Variants in UIMC1 observed in about 807,000 individuals in gnomAD.
UIMC1 encodes BRCA1-A complex subunit RAP80.
UIMC1 carries 42 observed loss-of-function variants against 84.9 expected under a neutral mutation model. That is an observed-to-expected ratio of 0.49 (90% CI 0.39 to 0.64). UIMC1 has a LOEUF of 0.64. UIMC1 is among the 30% of genes least tolerant of loss of function. The pLI, the probability that UIMC1 is intolerant of heterozygous loss-of-function variation, is 0.00. For synonymous variants in UIMC1, 281 were observed against 293.0 expected (o/e 0.96, Z 0.42); for missense variants, 825 against 847.6 (o/e 0.97, Z 0.33).
At chr5:176,986,411 A>G (rs1312812943) in intron 1 of UIMC1, among the ~76,000 whole-genome samples, 3 of 147,444 alleles carry the variant, frequency 2.0e-5, no homozygotes, top group Non-Finnish European at 4.5e-5. Flanking sequence ...GTGAGCACCT[A>G]CAGTCCCAGC....
At chr5:176,933,360 ACTAT>A (rs1158285316) in intron 10 of UIMC1, among the ~76,000 whole-genome samples, 1 of 152,188 alleles carries the variant, frequency 6.6e-6, no homozygotes, top group African/African-American at 2.4e-5. Flanking sequence ...GCCATTGGTT[ACTAT>A]CTATTACTAT....
At chr5:177,010,178 T>C (rs1373710204), upstream of UIMC1, among the ~76,000 whole-genome samples, 1 of 152,136 alleles carries the variant, frequency 6.6e-6, no homozygotes, top group Non-Finnish European at 1.5e-5. Flanking sequence ...ATCGCACCAC[T>C]GCACTCTAAA....
chr5:176,958,631 T>A (rs1271014328), intron 6 of UIMC1, among the ~76,000 whole-genome samples: 1 of 152,212 alleles, frequency 6.6e-6, no homozygotes, highest in Non-Finnish European at 1.5e-5. Flanking sequence ...AACACTGCAA[T>A]CTATGATCTT....
chr5:176,919,291 C>G (rs564248396), intron 10 of UIMC1: 11 of 206,970 alleles, frequency 5.3e-5, no homozygotes, highest in Non-Finnish European at 1.1e-4. Context: ...ATTCTGGATA[C>G]TAAACCCTTA....
At chr5:177,000,320 C>T (rs1774259742) in intron 1 of UIMC1, among the ~76,000 whole-genome samples, 1 of 152,010 alleles carries the variant, frequency 6.6e-6, no homozygotes, top group Admixed American at 6.6e-5. Flanking sequence ...TACATTCCCA[C>T]CAACAGTGTA....
intron 10 of UIMC1, among the ~76,000 whole-genome samples, chr5:176,934,916 A>G (rs1376095003): frequency 6.6e-6 from 1 of 152,240 alleles, no homozygotes; most frequent in East Asian, 1.9e-4. Flanking sequence ...TCAAAGATGG[A>G]GAGACATTAT....
chr5:176,940,854 T>G (rs1246885575), intron 10 of UIMC1, among the ~76,000 whole-genome samples: 1 of 152,354 alleles, frequency 6.6e-6, no homozygotes, highest in East Asian at 1.9e-4. Context: ...ACACCTCATT[T>G]AACCTCACAA....
At position 176,969,524 on chromosome 5, in the gene UIMC1, G is replaced by A. The variant is rs554114890; in HGVS notation, c.463+77C>T. The stretch of plus-strand genomic sequence containing the variant: ...CCAAAAGGATCTGGGGTATTTCCGT[G>A]TATCTACTCTCAGCATGAGATCCCT... On this transcript the variant is annotated intron_variant, in intron 5 of 14. Transcript: ENST00000511320. The A allele has an allele frequency of 3.4e-4, 498 of 1,456,324 alleles. 4 individuals carry two copies. The African/African-American group carries it at 6.0e-3, about 17-fold the overall frequency. 90.2% of individuals were successfully genotyped at this position (1,456,324 alleles called of 1,614,324 possible).
At chr5:176,925,709 C>T (rs544636637) in intron 10 of UIMC1, among the ~76,000 whole-genome samples, 1 of 152,160 alleles carries the variant, frequency 6.6e-6, no homozygotes, top group East Asian at 1.9e-4. Context: ...TATCAAACTG[C>T]AGAATATCAT....
In UIMC1 at chr5:176,968,550, C is replaced by T. The variant is rs1768674103; in HGVS notation, c.1200+5G>A. 2 of 1,600,670 alleles carry T rather than the reference C, an allele frequency of 1.2e-6. No individual in the cohort carries two copies. Among genetic ancestry groups the T allele is most frequent in the African/African-American group, 1.3e-5 (1 of 74,084 alleles). On this transcript the variant is annotated splice_donor_5th_base_variant and intron_variant, in intron 6 of 14. Coordinates refer to ENST00000511320, the MANE Select transcript of UIMC1 (RefSeq NM_001199298.2). ...ATCCTTAATTACAGCATCACTGACC[C>T]TTACCTGACCATGACTGGTTGTTGG...
At chr5:176,955,405 C>T (rs1766466699) in intron 8 of UIMC1, among the ~76,000 whole-genome samples, 1 of 151,796 alleles carries the variant, frequency 6.6e-6, no homozygotes, top group African/African-American at 2.4e-5. Flanking sequence ...GCAGTAAGAC[C>T]CCAACAAATG....
At chr5:176,997,722 C>G (rs1370008164) in intron 1 of UIMC1, among the ~76,000 whole-genome samples, 1 of 151,268 alleles carries the variant, frequency 6.6e-6, no homozygotes, top group Non-Finnish European at 1.5e-5. Context: ...TCAATGGTTT[C>G]CCACTATTTT....
In UIMC1 at chr5:176,905,315, G is replaced by C; in HGVS notation, c.2127C>G (p.Thr709=). Residue 709 remains threonine (T), a synonymous_variant, in exon 15 of 15, where the codon ACC becomes ACG. Coordinates refer to ENST00000511320, the MANE Select transcript of UIMC1 (RefSeq NM_001199298.2). ...VTVQPGSRTR[T]KAGRGRRRKF The stretch of plus-strand genomic sequence containing the variant: ...TTCTCCTTCTTCCTCTGCCAGCTTT[G>C]GTCCGTGTCCGACTACCTGGCTGGA... 2.5e-6 allele frequency: 4 copies of C among 1,613,968 alleles called. No homozygotes were observed. Among genetic ancestry groups the C allele is most frequent in the Non-Finnish European group, 3.4e-6 (4 of 1,179,930 alleles).
intron 1 of UIMC1, among the ~76,000 whole-genome samples, chr5:177,001,775 T>C (rs1256677102): frequency 8.0e-6 from 1 of 124,380 alleles, no homozygotes; most frequent in East Asian, 2.3e-4. Context: ...CCGGCTCTAC[T>C]AAAAAAAAAA....
At position 176,906,093 on chromosome 5, in the gene UIMC1, AATC is replaced by A. The variant is rs773737800; in HGVS notation, c.1913-49_1913-47del. 1.1e-5 allele frequency: 18 copies of A among 1,582,326 alleles called. No individual in the cohort carries two copies. The African/African-American group carries it at 2.0e-4, about 18-fold the overall frequency. On this transcript the variant is annotated intron_variant, in intron 13 of 14. Transcript: ENST00000511320. ...TAATAATGTTGGTAGTAGTGTTGGT[AATC>A]ATAGCACTTCTCACTGATCTTTTGC...
upstream of UIMC1, among the ~76,000 whole-genome samples, chr5:177,008,062 A>G (rs1338040461): frequency 6.6e-6 from 1 of 151,248 alleles, no homozygotes; most frequent in Non-Finnish European, 1.5e-5. Context: ...CCGAGATCAC[A>G]CCACTGCACT....
chr5:177,007,184 A>G (rs147774426), upstream of UIMC1, among the ~76,000 whole-genome samples: 1,384 of 152,034 alleles, frequency 9.1e-3, 8 homozygotes, highest in South Asian at 0.025. Context: ...GTACTAAAAT[A>G]CAAAAATTAG....
intron 1 of UIMC1, among the ~76,000 whole-genome samples, chr5:177,004,167 T>C (rs1485797777): frequency 1.3e-5 from 2 of 152,176 alleles, no homozygotes; most frequent in African/African-American, 2.4e-5. Context: ...TACCACAAAA[T>C]ATGTCTAATT....
chr5:176,955,850 T>C lies in UIMC1; in HGVS notation c.1339+109A>G, dbSNP rs908716847. The C allele has an allele frequency of 5.0e-6, 5 of 1,004,380 alleles. No individual in the cohort carries two copies. The Admixed American group carries it at 6.5e-5, about 13-fold the overall frequency. The allele number at this position is 1,004,380 out of a possible 1,614,324, so 62.2% of individuals were successfully genotyped here. A position where few individuals can be genotyped will look rare whatever the true frequency, so the allele number is the denominator to read the frequency against. On this transcript the variant is annotated intron_variant, in intron 8 of 14. Transcript: ENST00000511320. ...TGAGACATGTACATACACGTATCAA[T>C]TACATACAAACCTCCAGAGAGTAGG... is the stretch of plus-strand genomic sequence containing the variant.
Sources: gnomAD v4.1 joint callset for allele counts (sites outside exome capture counted in the v4.1 genomes callset) on GRCh38, gnomAD v4.1.1 for gene constraint, MANE v1.5 for transcripts, NCBI Gene and HGNC (gene_info 2026-07-23, HGNC 2026-07-21) for gene names.